Variants in CDC123 observed in about 807,000 individuals in gnomAD.
CDC123 encodes the protein translation initiation factor eIF2 assembly protein.
Under a neutral mutation model 54.4 loss-of-function variants are expected in CDC123, and 37 were observed. That is an observed-to-expected ratio of 0.68 (90% CI 0.52 to 0.89). The LOEUF (loss-of-function observed/expected upper bound fraction) is 0.89. Ranked by LOEUF, CDC123 falls within the 40% of genes least tolerant of loss-of-function variation. The pLI, the probability that CDC123 is intolerant of heterozygous loss-of-function variation, is 0.00. For missense variants in CDC123, 361 were observed against 412.1 expected, an observed-to-expected ratio of 0.88 and a Z score of 1.07; for synonymous variants, 144 against 136.8, an observed-to-expected ratio of 1.05 and a Z score of -0.37.
intron 2 of CDC123, among the ~76,000 whole-genome samples, chr10:12,199,797 T>C (rs946792966): frequency 8.5e-5 from 13 of 152,144 alleles, no homozygotes; most frequent in Non-Finnish European, 1.6e-4. Flanking sequence ...GTCTCAACTT[T>C]AGGATATTTA....
At chr10:12,227,498 T>G (rs1835841440) in intron 6 of CDC123, among the ~76,000 whole-genome samples, 1 of 146,444 alleles carries the variant, frequency 6.8e-6, no homozygotes, top group Non-Finnish European at 1.5e-5. Context: ...ATTTTCTGTC[T>G]TTTTTTTTTT....
intron 4 of CDC123, among the ~76,000 whole-genome samples, chr10:12,215,439 G>A (rs531074436): frequency 5.5e-4 from 83 of 152,236 alleles, no homozygotes; most frequent in African/African-American, 1.9e-3. Flanking sequence ...TTATGTCGGT[G>A]TACAGAGAAC....
chr10:12,249,507 G>A, intron 11 of CDC123, 74 bp from the exon 12 acceptor site: 1 of 1,442,692 alleles, frequency 6.9e-7, no homozygotes, highest in South Asian at 1.3e-5. Context: ...GTTTTGCTAG[G>A]TTCTTTTTTA....
chr10:12,240,741 T>C (rs1473081812), intron 10 of CDC123, among the ~76,000 whole-genome samples: 1 of 148,940 alleles, frequency 6.7e-6, no homozygotes, highest in Non-Finnish European at 1.5e-5. Context: ...TGGTGGTTTG[T>C]GCCTGTAGCC....
intron 8 of CDC123, 129 bp from the exon 9 acceptor site, chr10:12,237,015 A>G: frequency 1.8e-6 from 2 of 1,123,010 alleles, no homozygotes; most frequent in Non-Finnish European, 2.4e-6. Flanking sequence ...GTCGTGTGTA[A>G]TGCCGTACCC....
chr10:12,210,114 T>C, intron 3 of CDC123, 90 bp downstream of exon 3: 2 of 1,485,484 alleles, frequency 1.3e-6, no homozygotes, highest in Non-Finnish European at 1.9e-6. Context: ...TTATCTTACA[T>C]CTGATAAAAT....
rs888726855 is a variant in CDC123, at chr10:12,222,434, A to T, written c.440+4967A>T. ...GGAGTTCGAGACCAGCCTGGCCAAC[A>T]TGGTGAAACCCTGACTCTACTAAAA... On this transcript the variant is annotated intron_variant, in intron 6 of 12. Transcript: ENST00000281141. 3.3e-5 allele frequency among the ~76,000 whole-genome samples: 5 copies of T among 152,232 alleles called. No homozygotes were observed. The East Asian group carries it at 9.6e-4, about 29-fold the overall frequency.
At chr10:12,238,409 T>C in intron 9 of CDC123, 48 bp from the exon 10 acceptor site, 3 of 1,574,848 alleles carry the variant, frequency 1.9e-6, no homozygotes, top group Non-Finnish European at 2.6e-6. Context: ...GAGATTTACA[T>C]TGTGAAATAT....
chr10:12,221,507 C>T (rs1181859524), intron 6 of CDC123, among the ~76,000 whole-genome samples: 1 of 152,148 alleles, frequency 6.6e-6, no homozygotes, highest in Non-Finnish European at 1.5e-5. Context: ...GACTTCCTCT[C>T]AGCCCTCATT....
chr10:12,208,027 T>G (rs1835544291), intron 2 of CDC123, among the ~76,000 whole-genome samples: 1 of 152,236 alleles, frequency 6.6e-6, no homozygotes, highest in Non-Finnish European at 1.5e-5. Flanking sequence ...CCCTTGACTT[T>G]CTGTTTTCCA....
chr10:12,216,863 A>C (rs1392443085), intron 5 of CDC123, among the ~76,000 whole-genome samples: 2 of 152,178 alleles, frequency 1.3e-5, no homozygotes, highest in Non-Finnish European at 2.9e-5. Context: ...TTAAAGTTGT[A>C]GTGGTTCAGA....
chr10:12,215,710 C>T (rs201058080), intron 4 of CDC123, 30 bp from the exon 5 acceptor site: 20 of 1,337,584 alleles, frequency 1.5e-5, no homozygotes, highest in East Asian at 4.7e-5. Context: ...ATGATATTGA[C>T]GTGCCCAATG....
chr10:12,249,604 A>C lies in CDC123; in HGVS notation c.870A>C (p.Thr290=). Residue 290 remains threonine, a synonymous_variant, in exon 12 of 13, where the codon ACA becomes ACC. Coordinates refer to ENST00000281141, the MANE Select transcript of CDC123 (RefSeq NM_006023.3). ...AGGATTCCCCAGCTTTCCGTTGCACAAACAGTGAAGTGACAGTCCAGCCCA... is the reference window on the plus strand; with the variant it reads ...AGGATTCCCCAGCTTTCCGTTGCACCAACAGTGAAGTGACAGTCCAGCCCA... The part of the protein sequence containing the change: ...QEQDSPAFRC[T]NSEVTVQPSP... 6.2e-7 allele frequency: 1 copy of C among 1,613,718 alleles called. No individual in the cohort carries two copies. Among genetic ancestry groups the C allele is most frequent in the East Asian group, 2.2e-5 (1 of 44,890 alleles).
chr10:12,238,248 G>A (rs1406078001), intron 9 of CDC123, among the ~76,000 whole-genome samples: 1 of 152,138 alleles, frequency 6.6e-6, no homozygotes, highest in Non-Finnish European at 1.5e-5. Context: ...GCTTATGGTT[G>A]GGGAACAGAG....
intron 11 of CDC123, 141 bp downstream of exon 11, chr10:12,246,418 C>G (rs1208952342): frequency 1.1e-6 from 1 of 870,506 alleles, no homozygotes; most frequent in Non-Finnish European, 1.7e-6. Flanking sequence ...TAATAGCTAA[C>G]CTGCCCATGG....
chr10:12,235,069 G>C lies in CDC123; in HGVS notation c.511G>C (p.Glu171Gln). ...EYELVLRKWC[E>Q]LIPGAEFRCF... ...ACAGCTCGTTCTCCGAAAATGGTGT[G>C]AATTGATTCCTGGGGCTGAGTTTCG... Residue 171 changes from glutamate to glutamine, a missense_variant, in exon 8 of 13, where the codon GAA becomes CAA. Glu to Gln is a conservative substitution (Grantham distance 29). Coordinates refer to ENST00000281141, the MANE Select transcript of CDC123 (RefSeq NM_006023.3). 2 of 1,613,896 alleles carry C rather than the reference G, an allele frequency of 1.2e-6. No homozygotes were observed. The highest frequency in any genetic ancestry group is 1.7e-6 in the Non-Finnish European group (2 of 1,179,812).
At chr10:12,211,627 G>A (rs1033948902) in intron 4 of CDC123, among the ~76,000 whole-genome samples, 1 of 152,200 alleles carries the variant, frequency 6.6e-6, no homozygotes, top group African/African-American at 2.4e-5. Context: ...AGATGAATAT[G>A]ATTTCATTTC....
At chr10:12,238,630 C>A (rs1294994501) in intron 10 of CDC123, 145 bp downstream of exon 10, 1 of 924,240 alleles carries the variant, frequency 1.1e-6, no homozygotes, top group Non-Finnish European at 1.6e-6. Flanking sequence ...ATTCCCAGCA[C>A]TTTGGGAGGC....
rs1324338403 is a variant in CDC123, at chr10:12,196,594, A to G, written c.74+275A>G. On this transcript the variant is annotated intron_variant, in intron 1 of 12. Transcript: ENST00000281141. ...TTGGGAGTTCACCACCACTACTTTT[A>G]GAATGGCCCCAGGCGCAAGGTGATC... Among the ~76,000 whole-genome samples the G allele has an allele frequency of 2.6e-5, 4 of 152,178 alleles. No individual in the cohort carries two copies. The East Asian group carries it at 5.8e-4, about 22-fold the overall frequency.
Sources: gnomAD v4.1 joint callset for allele counts (sites outside exome capture counted in the v4.1 genomes callset) on GRCh38, gnomAD v4.1.1 for gene constraint, MANE v1.5 for transcripts, NCBI Gene and HGNC (gene_info 2026-07-23, HGNC 2026-07-21) for gene names.